The following PCDHA1 variants were observed in gnomAD, a reference collection of about 807,000 sequenced individuals.
PCDHA1 encodes the protein protocadherin alpha-1.
A neutral mutation model predicts 61.3 loss-of-function variants in PCDHA1; 42 were observed. The observed-to-expected ratio is 0.69, with a 90% CI of 0.54 to 0.89. The LOEUF (loss-of-function observed/expected upper bound fraction) is 0.89, where lower values mean the gene tolerates loss of function less well. Among genes scored for constraint, PCDHA1 ranks in the 40% least tolerant of loss-of-function variants. The pLI, the probability that PCDHA1 is intolerant of heterozygous loss-of-function variation, is 0.00. For synonymous variants in PCDHA1, 610 were observed against 553.8 expected, an observed-to-expected ratio of 1.10 and a Z score of -1.43; for missense variants, 1,256 against 1,235.3, an observed-to-expected ratio of 1.02 and a Z score of -0.25.
chr5:140,843,004 C>T (rs2150349830), intron 1 of PCDHA1: 21 of 1,595,032 alleles, frequency 1.3e-5, no homozygotes, highest in Admixed American at 1.0e-4. Flanking sequence ...AGAATGACAA[C>T]GCGCCGGCAC....
chr5:140,885,870 A>T (rs1302417773), intron 1 of PCDHA1, among the ~76,000 whole-genome samples: 1 of 152,162 alleles, frequency 6.6e-6, no homozygotes, highest in African/African-American at 2.4e-5. Context: ...TATTGAAAAA[A>T]AATTTTTAGT....
At chr5:140,863,381 G>T in intron 1 of PCDHA1, 1 of 1,058,634 alleles carries the variant, frequency 9.4e-7, no homozygotes, top group Non-Finnish European at 1.4e-6. Flanking sequence ...CTCACCGAGA[G>T]CTCGTGCATG....
At chr5:140,909,186 A>G (rs552786721) in intron 1 of PCDHA1, among the ~76,000 whole-genome samples, 1 of 152,336 alleles carries the variant, frequency 6.6e-6, no homozygotes, top group Admixed American at 6.5e-5. Context: ...TCCAAACAAG[A>G]TTATGACACA....
rs562918602 is a variant in PCDHA1, at chr5:140,796,428, G to C, written c.2394+7744G>C. The C allele has an allele frequency of 7.5e-5, 121 of 1,613,742 alleles. 1 individual carries two copies. Among genetic ancestry groups the C allele is most frequent in the Admixed American group, 2.8e-4 (17 of 60,028 alleles). On this transcript the variant is annotated intron_variant, in intron 1 of 3. Coordinates refer to ENST00000504120, the MANE Select transcript of PCDHA1 (RefSeq NM_018900.4). ...GGGATGCGGACGCGCAGGAGAACGC[G>C]CTGGTGTCCTACTCGCTGGTGGAGC...
rs75651963 is a variant in PCDHA1, at chr5:140,798,768, C to T, written c.2394+10084C>T. 1.7e-3 allele frequency among the ~76,000 whole-genome samples: 263 copies of T among 152,250 alleles called. 1 individual carries two copies. The highest frequency in any genetic ancestry group is 6.8e-3 in the Middle Eastern group (2 of 294). Reference sequence around the variant, plus strand: ...TTTTGGGTAATTATAACACTGAACTCGACAAGTAAATGTTACACTTGGAAA... The same window carrying T: ...TTTTGGGTAATTATAACACTGAACTTGACAAGTAAATGTTACACTTGGAAA... On this transcript the variant is annotated intron_variant, in intron 1 of 3. Coordinates refer to ENST00000504120, the MANE Select transcript of PCDHA1 (RefSeq NM_018900.4).
chr5:140,796,860 CACG>C (rs1762149478), intron 1 of PCDHA1: 1 of 1,613,970 alleles, frequency 6.2e-7, no homozygotes, highest in South Asian at 1.1e-5. Flanking sequence ...GTGAGATCAG[CACG>C]ACACGTGCCC....
At chr5:140,968,657 G>C in intron 1 of PCDHA1, 1 of 1,614,142 alleles carries the variant, frequency 6.2e-7, no homozygotes, top group Non-Finnish European at 8.5e-7. Context: ...TTCTGACCTG[G>C]ACCTCTTTAA....
In PCDHA1 at chr5:140,922,322, GA is replaced by G. The variant is rs2080774913; in HGVS notation, c.2395-56624del. Among the ~76,000 whole-genome samples the G allele has an allele frequency of 2.0e-5, 3 of 152,302 alleles. No homozygotes were observed. The East Asian group carries it at 5.8e-4, about 29-fold the overall frequency. ...AGGATACCTTTCACTGAAGATCTTG[GA>G]AAGGGTTGGTATATTGGTATTTTCT... On this transcript the variant is annotated intron_variant, in intron 1 of 3. Transcript: ENST00000504120.
chr5:140,968,401 C>A, intron 1 of PCDHA1: 4 of 1,613,984 alleles, frequency 2.5e-6, no homozygotes, highest in Non-Finnish European at 2.5e-6. Context: ...TTCGGGAGTT[C>A]TTTGTGACTG....
intron 2 of PCDHA1, among the ~76,000 whole-genome samples, chr5:140,980,573 T>G (rs1040024915): frequency 6.6e-6 from 1 of 152,066 alleles, no homozygotes; most frequent in Non-Finnish European, 1.5e-5. Context: ...GAAGTTGCAG[T>G]GAGCCAAGAT....
intron 1 of PCDHA1, among the ~76,000 whole-genome samples, chr5:140,799,953 T>C (rs1446097921): frequency 6.6e-6 from 1 of 152,116 alleles, no homozygotes; most frequent in Non-Finnish European, 1.5e-5. Flanking sequence ...CTTTAGAATG[T>C]TTTATTGCTT....
chr5:140,887,385 C>T (rs1015937560), intron 1 of PCDHA1, among the ~76,000 whole-genome samples: 3 of 152,124 alleles, frequency 2.0e-5, no homozygotes, highest in Admixed American at 6.5e-5. Context: ...TGTGAGCCAC[C>T]GCGCCCGGCT....
chr5:140,828,570 C>T, intron 1 of PCDHA1: 2 of 1,614,214 alleles, frequency 1.2e-6, no homozygotes, highest in Non-Finnish European at 1.7e-6. Flanking sequence ...GCGTCCGATG[C>T]AGATGTTGGC....
chr5:140,806,820 A>G (rs1013977345), intron 1 of PCDHA1: 14 of 228,540 alleles, frequency 6.1e-5, no homozygotes, highest in African/African-American at 2.7e-4. Flanking sequence ...AGTTGCCCCT[A>G]TGGCGAAACT....
intron 1 of PCDHA1, chr5:140,968,033 G>A (rs1554230222): frequency 6.2e-7 from 1 of 1,614,074 alleles, no homozygotes; most frequent in African/African-American, 1.3e-5. Context: ...TACACTGGTG[G>A]TGAGCGGCCC....
intron 1 of PCDHA1, chr5:140,869,951 C>G (rs2051525824): frequency 6.2e-7 from 1 of 1,611,984 alleles, no homozygotes. Context: ...TCCTTAATGT[C>G]AATTAAGCCC....
intron 3 of PCDHA1, among the ~76,000 whole-genome samples, chr5:140,991,953 G>A (rs545142966): frequency 3.9e-5 from 6 of 152,110 alleles, no homozygotes; most frequent in Non-Finnish European, 8.8e-5. Context: ...TTAGAATGCA[G>A]TCATTTTGGT....
chr5:140,971,392 T>C (rs1399891976), intron 1 of PCDHA1, among the ~76,000 whole-genome samples: 1 of 152,154 alleles, frequency 6.6e-6, no homozygotes, highest in East Asian at 1.9e-4. Flanking sequence ...TAAAGGCAAA[T>C]TTCTGCCAGG....
Position 140,801,772 on chromosome 5 carries a change from T to C in PCDHA1, c.2394+13088T>C, listed in dbSNP as rs564667115. ...AGAAATGATGAGGAAATTAAATCCC[T>C]TGGACTCGTGTTGAAAAAAAATTTA... is the stretch of plus-strand genomic sequence containing the variant. On this transcript the variant is annotated intron_variant, in intron 1 of 3. Transcript: ENST00000504120. The C allele has an allele frequency of 9.3e-6, 15 of 1,614,060 alleles. No homozygotes were observed. In the South Asian group the frequency reaches 1.2e-4, roughly 13 times the overall value.
Sources: gnomAD v4.1 joint callset for allele counts (sites outside exome capture counted in the v4.1 genomes callset) on GRCh38, gnomAD v4.1.1 for gene constraint, MANE v1.5 for transcripts, NCBI Gene and HGNC (gene_info 2026-07-23, HGNC 2026-07-21) for gene names.